TMEM184B: variants seen among roughly 807,000 people sequenced by gnomAD.
The protein encoded by TMEM184B is transmembrane protein 184B.
TMEM184B carries 17 observed loss-of-function variants against 41.8 expected under a neutral mutation model. The observed-to-expected ratio is 0.41, with a 90% CI of 0.28 to 0.61. The LOEUF is 0.61. Among genes scored for constraint, TMEM184B ranks in the 20% least tolerant of loss-of-function variants. The pLI is 0.34. For synonymous variants in TMEM184B, 240 were observed against 229.5 expected, an observed-to-expected ratio of 1.05 and a Z score of -0.41; for missense variants, 393 against 557.8, an observed-to-expected ratio of 0.70 and a Z score of 2.98.
chr22:38,219,414 T>C lies in TMEM184B; in HGVS notation c.*2055A>G, dbSNP rs935150189. On this transcript the variant is annotated 3_prime_UTR_variant, in exon 9 of 9. Coordinates refer to ENST00000361906, the MANE Select transcript of TMEM184B (RefSeq NM_012264.5). ...TAGAGTGGCTTTCTGGTGGAACTCA[T>C]GGCAGTCATACAACAAGATACAAAA... 5.1e-6 allele frequency: 5 copies of C among 985,850 alleles called. No individual in the cohort carries two copies. In the Admixed American group the frequency reaches 2.5e-4, roughly 48 times the overall value. The allele number at this position is 985,850 out of a possible 1,614,324, so 61.1% of individuals were successfully genotyped here. A position where few individuals can be genotyped will look rare whatever the true frequency, so the allele number is the denominator to read the frequency against.
chr22:38,228,193 G>A (rs923904595), intron 5 of TMEM184B, among the ~76,000 whole-genome samples: 10 of 152,168 alleles, frequency 6.6e-5, no homozygotes, highest in Non-Finnish European at 1.3e-4. Flanking sequence ...CCCACAGAAC[G>A]TCCCTGGCCC....
intron 1 of TMEM184B, among the ~76,000 whole-genome samples, chr22:38,264,377 G>T (rs368224475): frequency 1.3e-5 from 2 of 151,880 alleles, no homozygotes; most frequent in East Asian, 3.9e-4. Context: ...CTCCCCAGGC[G>T]CCCATGAAGA....
At chr22:38,258,369 C>T (rs916124080) in intron 1 of TMEM184B, among the ~76,000 whole-genome samples, 8 of 150,810 alleles carry the variant, frequency 5.3e-5, no homozygotes, top group East Asian at 1.9e-4. Flanking sequence ...GGAACAATCT[C>T]GGCTCACTGC....
At chr22:38,228,573 T>C (rs1216145028) in intron 5 of TMEM184B, among the ~76,000 whole-genome samples, 3 of 152,172 alleles carry the variant, frequency 2.0e-5, no homozygotes, top group African/African-American at 4.8e-5. Context: ...ACTTCTCCTA[T>C]GGGCTAGGGT....
chr22:38,222,588 C>T (rs2146055991), intron 8 of TMEM184B: 1 of 985,230 alleles, frequency 1.0e-6, no homozygotes, highest in East Asian at 1.1e-4. Flanking sequence ...ATGCCAGTGA[C>T]AGTGACCAGA....
At chr22:38,228,406 A>AAGCAGCAGC (rs57862768) in intron 5 of TMEM184B, among the ~76,000 whole-genome samples, 5 of 151,178 alleles carry the variant, frequency 3.3e-5, no homozygotes, top group African/African-American at 1.2e-4. Flanking sequence ...AGAGAAGCTG[A>AAGCAGCAGC]AGCAGCAGCA....
chr22:38,216,860 A>G (rs2091155402), downstream of TMEM184B, among the ~76,000 whole-genome samples: 1 of 152,064 alleles, frequency 6.6e-6, no homozygotes, highest in African/African-American at 2.4e-5. Flanking sequence ...CCCGGGCAAC[A>G]TAGTGACACC....
At chr22:38,249,988 G>A (rs1212751424) in intron 1 of TMEM184B, among the ~76,000 whole-genome samples, 1 of 152,214 alleles carries the variant, frequency 6.6e-6, no homozygotes, top group African/African-American at 2.4e-5. Flanking sequence ...CAGCTCCCCC[G>A]CCAACCAGCC....
At chr22:38,237,671 C>T (rs1387772659) in intron 3 of TMEM184B, among the ~76,000 whole-genome samples, 4 of 152,242 alleles carry the variant, frequency 2.6e-5, no homozygotes, top group African/African-American at 4.8e-5. Flanking sequence ...TGCCTCTTTT[C>T]AGTGATGGGT....
chr22:38,259,894 G>A (rs1205740478), intron 1 of TMEM184B, among the ~76,000 whole-genome samples: 1 of 150,246 alleles, frequency 6.7e-6, no homozygotes, highest in Non-Finnish European at 1.5e-5. Context: ...TCCCACCTCA[G>A]CCTCCAGAGT....
chr22:38,263,676 G>A (rs1053113445), intron 1 of TMEM184B, among the ~76,000 whole-genome samples: 27 of 152,204 alleles, frequency 1.8e-4, no homozygotes, highest in Non-Finnish European at 4.0e-4. Flanking sequence ...AATTCTGGGA[G>A]GCAGAGCTGC....
intron 8 of TMEM184B, chr22:38,223,541 C>T (rs1569011639): frequency 6.6e-6 from 1 of 152,614 alleles, no homozygotes; most frequent in Admixed American, 6.5e-5. Context: ...GGAAGTGGGC[C>T]GCGGAGCCCC....
Position 38,221,157 on chromosome 22 carries a change from G to T in TMEM184B, c.*312C>A. On this transcript the variant is annotated 3_prime_UTR_variant, in exon 9 of 9. Coordinates refer to ENST00000361906, the MANE Select transcript of TMEM184B (RefSeq NM_012264.5). ...CCGCTGGTCCACACACAAGCATTGGGGCCTGGGTGCGGCTGGTCCCAGCAT... is the reference window on the plus strand; with the variant it reads ...CCGCTGGTCCACACACAAGCATTGGTGCCTGGGTGCGGCTGGTCCCAGCAT... The T allele has an allele frequency of 8.3e-7, 1 of 1,205,782 alleles. No individual in the cohort carries two copies. The highest frequency in any genetic ancestry group is 1.0e-6 in the Non-Finnish European group (1 of 966,680). The allele number at this position is 1,205,782 out of a possible 1,614,324, so 74.7% of individuals were successfully genotyped here. A position where few individuals can be genotyped will look rare whatever the true frequency, so the allele number is the denominator to read the frequency against.
chr22:38,251,060 G>A (rs2092151010), intron 1 of TMEM184B, among the ~76,000 whole-genome samples: 2 of 152,128 alleles, frequency 1.3e-5, no homozygotes, highest in South Asian at 4.1e-4. Flanking sequence ...CTGCTCCAGA[G>A]CCTCCTAACA....
rs938492507 is a variant in TMEM184B, at chr22:38,239,578, G to A, written c.358+6357C>T. ...CCAGGCAGCTCTGGTGGCTGTGGGT[G>A]AGGGTGCAGACGCAGAAGCTGGTTA... is the stretch of plus-strand genomic sequence containing the variant. On this transcript the variant is annotated intron_variant, in intron 3 of 8. Transcript: ENST00000361906. This position sits in a 1 kb window ranked among gnomAD's most constrained non-coding sequence, Gnocchi z 4.6. 6.6e-6 allele frequency: 1 copy of A among 152,240 alleles called. No homozygotes were observed. Among genetic ancestry groups the A allele is most frequent in the African/African-American group, 2.4e-5 (1 of 41,458 alleles). The allele number at this position is 152,240 out of a possible 1,614,324, so 9.4% of individuals were successfully genotyped here. A position where few individuals can be genotyped will look rare whatever the true frequency, so the allele number is the denominator to read the frequency against.
chr22:38,269,829 C>T (rs899948344), intron 1 of TMEM184B, among the ~76,000 whole-genome samples: 7 of 152,170 alleles, frequency 4.6e-5, no homozygotes, highest in Non-Finnish European at 1.0e-4. Context: ...AGACCAAAAG[C>T]TGCTAGAAGA....
rs1437264056 is a variant in TMEM184B, at chr22:38,226,998, A to AGGGATGGAGGGACGGAG, written c.526-145_526-129dup. 2.3e-3 allele frequency: 1,958 copies of AGGGATGGAGGGACGGAG among 838,204 alleles called. 39 individuals carry two copies. The African/African-American group carries it at 0.032, about 14-fold the overall frequency. 51.9% of individuals were successfully genotyped at this position (838,204 alleles called of 1,614,324 possible). A position where few individuals can be genotyped will look rare whatever the true frequency, so the allele number is the denominator to read the frequency against. On this transcript the variant is annotated intron_variant, in intron 5 of 8. Transcript: ENST00000361906. This position sits in a 1 kb window ranked among gnomAD's most constrained non-coding sequence, Gnocchi z 4.6. Reference sequence around the variant, plus strand: ...AGGATGAAGGAGACGGAGAGGACGGAGGGATGGAGGGACGGAGGGGATGGA... The same window carrying AGGGATGGAGGGACGGAG: ...AGGATGAAGGAGACGGAGAGGACGGAGGGATGGAGGGACGGAGGGGATGGAGGGACGGAGGGGATGGA...
chr22:38,254,204 C>CAAAAAAA (rs61216492), intron 1 of TMEM184B, among the ~76,000 whole-genome samples: 1 of 86,566 alleles, frequency 1.2e-5, no homozygotes, highest in Admixed American at 1.3e-4. Flanking sequence ...CTCTTGTCTC[C>CAAAAAAA]AAAAAAAAAA....
chr22:38,225,088 A>C lies in TMEM184B; in HGVS notation c.788-109T>G. The C allele has an allele frequency of 7.9e-7, 1 of 1,269,568 alleles. No individual in the cohort carries two copies. Among genetic ancestry groups the C allele is most frequent in the South Asian group, 1.5e-5 (1 of 66,392 alleles). 78.6% of individuals were successfully genotyped at this position (1,269,568 alleles called of 1,614,324 possible). ...CACATGCCCCAGTGAGGATGTGAGC[A>C]GGGCCACAGCTGCTCCTGCAGGGCA... On this transcript the variant is annotated intron_variant, in intron 7 of 8. Coordinates refer to ENST00000361906, the MANE Select transcript of TMEM184B (RefSeq NM_012264.5). The surrounding 1 kb of genome is among the most constrained non-coding windows in gnomAD (Gnocchi z 4.4).
Sources: allele counts gnomAD v4.1 joint callset (sites outside exome capture counted in the v4.1 genomes callset), GRCh38; gene constraint gnomAD v4.1.1; non-coding constraint Gnocchi (gnomAD v3.1); transcripts MANE v1.5; gene names NCBI Gene and HGNC (gene_info 2026-07-23, HGNC 2026-07-21).